The following ERBB4 variants were observed in gnomAD, a reference collection of about 807,000 sequenced individuals.
ERBB4 encodes receptor tyrosine-protein kinase erbB-4.
Under a neutral mutation model 158.0 loss-of-function variants are expected in ERBB4, and 42 were observed. The observed-to-expected ratio is 0.27, with a 90% CI of 0.21 to 0.34. The LOEUF is 0.34. ERBB4 is among the 10% of genes least tolerant of loss of function. The probability of loss-of-function intolerance (pLI) is 1.00; values close to 1 mark genes in which losing one functional copy is unlikely to be tolerated. For synonymous variants in ERBB4, 583 were observed against 558.7 expected, an observed-to-expected ratio of 1.04 and a Z score of -0.61; for missense variants, 1,333 against 1,624.1, an observed-to-expected ratio of 0.82 and a Z score of 3.08.
At chr2:212,253,763 G>T (rs555274903) in intron 1 of ERBB4, among the ~76,000 whole-genome samples, 1 of 152,180 alleles carries the variant, frequency 6.6e-6, no homozygotes, top group East Asian at 1.9e-4. Context: ...TCATATGCCA[G>T]TTAATGAAGG....
At chr2:211,947,762 G>A (rs1257515639) in intron 2 of ERBB4, 146 bp from the exon 3 acceptor site, 2 of 690,554 alleles carry the variant, frequency 2.9e-6, no homozygotes, top group African/African-American at 1.8e-5. Flanking sequence ...CTAAAGAATT[G>A]GCTTCATAAT....
intron 2 of ERBB4, among the ~76,000 whole-genome samples, chr2:212,099,736 G>GTTTTTTTTTTTTTTTT (rs3037296): frequency 6.9e-6 from 1 of 144,600 alleles, no homozygotes. Flanking sequence ...TTGTTTTACA[G>GTTTTTTTTTTTTTTTT]TTTTTTTTTT....
At chr2:211,405,280 C>T (rs993409415) in intron 25 of ERBB4, among the ~76,000 whole-genome samples, 2 of 152,144 alleles carry the variant, frequency 1.3e-5, no homozygotes, top group South Asian at 2.1e-4. Flanking sequence ...GGAAGCAATT[C>T]GAATGTCTTC....
intron 2 of ERBB4, among the ~76,000 whole-genome samples, chr2:212,031,835 G>A (rs1010573130): frequency 6.6e-6 from 1 of 152,012 alleles, no homozygotes; most frequent in African/African-American, 2.4e-5. Context: ...ATATTAAATT[G>A]TGTGCAGAAA....
intron 3 of ERBB4, among the ~76,000 whole-genome samples, chr2:211,889,300 A>T (rs2106178234): frequency 1.4e-5 from 2 of 144,728 alleles, no homozygotes; most frequent in Non-Finnish European, 3.0e-5. Flanking sequence ...CTGACACCTC[A>T]CACGGCAGGG....
At chr2:212,072,392 G>A (rs947696247) in intron 2 of ERBB4, among the ~76,000 whole-genome samples, 6 of 151,896 alleles carry the variant, frequency 4.0e-5, no homozygotes, top group African/African-American at 1.2e-4. Context: ...TTCCGTATTC[G>A]AATGTCTAAA....
chr2:211,472,732 T>TTGTTCC (rs2064858124), intron 20 of ERBB4, among the ~76,000 whole-genome samples: 1 of 151,988 alleles, frequency 6.6e-6, no homozygotes, highest in Non-Finnish European at 1.5e-5. Flanking sequence ...TTTTGTTATC[T>TTGTTCC]TGTTCCTTTG....
At chr2:211,441,236 A>C (rs1261825744) in intron 20 of ERBB4, among the ~76,000 whole-genome samples, 1 of 152,178 alleles carries the variant, frequency 6.6e-6, no homozygotes, top group Non-Finnish European at 1.5e-5. Context: ...TAAGAGAAAG[A>C]GACTCCTGCT....
At chr2:211,424,415 A>AT (rs2063581129) in intron 22 of ERBB4, 114 bp from the exon 23 acceptor site, 1 of 692,994 alleles carries the variant, frequency 1.4e-6, no homozygotes, top group Admixed American at 2.8e-5. Flanking sequence ...ACACCAATCA[A>AT]TTAAAAAAAA....
At chr2:212,519,030 G>A (rs900542835) in intron 1 of ERBB4, among the ~76,000 whole-genome samples, 1 of 151,958 alleles carries the variant, frequency 6.6e-6, no homozygotes, top group Non-Finnish European at 1.5e-5. Flanking sequence ...ATGCCATCCT[G>A]TGTGTACCCA....
intron 1 of ERBB4, among the ~76,000 whole-genome samples, chr2:212,140,429 T>C (rs1450048419): frequency 6.8e-6 from 1 of 147,560 alleles, no homozygotes; most frequent in Non-Finnish European, 1.5e-5. Context: ...ATGTTATATA[T>C]ATATACATAT....
At chr2:211,824,437 C>T (rs1051695088) in intron 3 of ERBB4, among the ~76,000 whole-genome samples, 2 of 151,950 alleles carry the variant, frequency 1.3e-5, no homozygotes, top group Non-Finnish European at 2.9e-5. Context: ...CCAGAGCACG[C>T]TTCAAATCAT....
intron 18 of ERBB4, among the ~76,000 whole-genome samples, chr2:211,622,962 CAAAAAAAAAAAAA>C (rs1157306563): frequency 8.5e-5 from 1 of 11,700 alleles, no homozygotes; most frequent in African/African-American, 4.8e-4. Flanking sequence ...GACTCCATCT[CAAAAAAAAAAAAA>C]AAAAAAAAAA....
At chr2:212,123,941 C>T (rs2079838568) in intron 2 of ERBB4, among the ~76,000 whole-genome samples, 1 of 152,128 alleles carries the variant, frequency 6.6e-6, no homozygotes, top group South Asian at 2.1e-4. Context: ...TCTAGGGAAG[C>T]TATTATTTAA....
intron 4 of ERBB4, among the ~76,000 whole-genome samples, chr2:211,772,872 C>T (rs181683003): frequency 6.7e-4 from 43 of 63,922 alleles, no homozygotes; most frequent in South Asian, 3.7e-3. Flanking sequence ...TATATATACA[C>T]ATATATATAT....
At chr2:212,438,483 TACA>T (rs1017972940) in intron 1 of ERBB4, among the ~76,000 whole-genome samples, 2 of 152,116 alleles carry the variant, frequency 1.3e-5, no homozygotes, top group African/African-American at 4.8e-5. Context: ...TTTTAATATC[TACA>T]ACAATTAGTA....
chr2:211,748,517 G>C (rs2075038075), intron 5 of ERBB4, among the ~76,000 whole-genome samples: 1 of 152,102 alleles, frequency 6.6e-6, no homozygotes, highest in Non-Finnish European at 1.5e-5. Flanking sequence ...CTCAACAGAA[G>C]AGGGATCCAC....
intron 1 of ERBB4, among the ~76,000 whole-genome samples, chr2:212,291,695 T>G (rs1291461755): frequency 1.3e-5 from 2 of 152,066 alleles, no homozygotes; most frequent in East Asian, 1.9e-4. Context: ...TAGAGATTTT[T>G]GGGGTTTTTC....
At chr2:211,755,484 G>A (rs772220599) in intron 4 of ERBB4, among the ~76,000 whole-genome samples, 29 of 151,824 alleles carry the variant, frequency 1.9e-4, no homozygotes, top group Admixed American at 1.7e-3. Context: ...CCTGGGCGAC[G>A]GATCAGACCC....
Sources: allele counts gnomAD v4.1 joint callset (sites outside exome capture counted in the v4.1 genomes callset), GRCh38; gene constraint gnomAD v4.1.1; transcripts MANE v1.5; gene names NCBI Gene and HGNC (gene_info 2026-07-23, HGNC 2026-07-21).